The following SLC4A5 variants were observed in gnomAD, a reference collection of about 807,000 sequenced individuals.
The protein encoded by SLC4A5 is electrogenic sodium bicarbonate cotransporter 4.
Under a neutral mutation model 120.4 loss-of-function variants are expected in SLC4A5, and 96 were observed. That is an observed-to-expected ratio of 0.80 (90% CI 0.68 to 0.94). SLC4A5 has a LOEUF of 0.94. Among genes scored for constraint, SLC4A5 ranks in the 40% least tolerant of loss-of-function variants. The pLI, the probability that SLC4A5 is intolerant of heterozygous loss-of-function variation, is 0.00. For missense variants in SLC4A5, 1,259 were observed against 1,459.5 expected, an observed-to-expected ratio of 0.86 and a Z score of 2.24; for synonymous variants, 550 against 571.1, an observed-to-expected ratio of 0.96 and a Z score of 0.53.
At chr2:74,267,255 A>AT (rs1671335063) in intron 8 of SLC4A5, among the ~76,000 whole-genome samples, 1 of 152,182 alleles carries the variant, frequency 6.6e-6, no homozygotes, top group African/African-American at 2.4e-5. Flanking sequence ...CTGTTTCAAC[A>AT]TTCAGTGTGC....
chr2:74,226,963 C>T (rs752177122), exon 27 of SLC4A5: 42 of 1,613,036 alleles, frequency 2.6e-5, no homozygotes, highest in Admixed American at 1.0e-4. Context: ...TTACCATGAC[C>T]GGGAAGATGA....
At chr2:74,293,427 T>C (rs145939100) in intron 7 of SLC4A5, among the ~76,000 whole-genome samples, 2 of 152,168 alleles carry the variant, frequency 1.3e-5, no homozygotes, top group Admixed American at 6.5e-5. Flanking sequence ...CTGGCCACAA[T>C]GAATTGGAGC....
intron 23 of SLC4A5, among the ~76,000 whole-genome samples, chr2:74,232,879 G>A (rs150210413): frequency 1.1e-4 from 16 of 152,326 alleles, no homozygotes; most frequent in Non-Finnish European, 1.6e-4. Context: ...CAAGCTTGGA[G>A]AGGCCCTGGG....
chr2:74,338,195 G>A (rs575499303), intron 3 of SLC4A5, among the ~76,000 whole-genome samples: 2 of 152,296 alleles, frequency 1.3e-5, no homozygotes, highest in Admixed American at 1.3e-4. Context: ...GCATAGGAGG[G>A]AGAAATGGAG....
intron 7 of SLC4A5, among the ~76,000 whole-genome samples, chr2:74,292,842 T>G (rs1672215395): frequency 6.6e-6 from 1 of 152,162 alleles, no homozygotes; most frequent in Admixed American, 6.5e-5. Context: ...ACATTCTCTC[T>G]CTCATCGGCT....
chr2:74,264,049 T>C (rs2104046252), intron 10 of SLC4A5, 98 bp downstream of exon 10: 2 of 1,451,188 alleles, frequency 1.4e-6, no homozygotes, highest in East Asian at 2.4e-5. Flanking sequence ...TCAGAATTTC[T>C]CCAGAAACTC....
At chr2:74,263,010 C>T (rs1447595113) in intron 10 of SLC4A5, among the ~76,000 whole-genome samples, 3 of 152,158 alleles carry the variant, frequency 2.0e-5, no homozygotes, top group African/African-American at 7.2e-5. Flanking sequence ...GTATCTGTTG[C>T]TATTATGGTA....
intron 7 of SLC4A5, among the ~76,000 whole-genome samples, chr2:74,295,994 C>A (rs1365010091): frequency 6.6e-6 from 1 of 152,196 alleles, no homozygotes; most frequent in South Asian, 2.1e-4. Flanking sequence ...TAGTTAACCA[C>A]ATCGAATAAG....
At chr2:74,309,781 G>A (rs1364369032) in intron 6 of SLC4A5, among the ~76,000 whole-genome samples, 1 of 151,352 alleles carries the variant, frequency 6.6e-6, no homozygotes, top group Non-Finnish European at 1.5e-5. Context: ...TCAGGGTCCT[G>A]AGTAACTGGG....
chr2:74,282,520 A>G (rs1671845414), intron 8 of SLC4A5, among the ~76,000 whole-genome samples: 1 of 152,194 alleles, frequency 6.6e-6, no homozygotes, highest in Non-Finnish European at 1.5e-5. Flanking sequence ...AGGGAAACCT[A>G]CCACTTTGCA....
intron 7 of SLC4A5, among the ~76,000 whole-genome samples, chr2:74,293,512 T>C (rs530422957): frequency 6.2e-4 from 94 of 152,272 alleles, no homozygotes; most frequent in African/African-American, 2.2e-3. Flanking sequence ...GGGCCTTTCC[T>C]GATGGTTTCT....
At chr2:74,219,773 G>A (rs989500674) in intron 30 of SLC4A5, among the ~76,000 whole-genome samples, 7 of 151,998 alleles carry the variant, frequency 4.6e-5, no homozygotes, top group Admixed American at 6.6e-5. Flanking sequence ...TCATAATACC[G>A]GTGTATACTA....
intron 8 of SLC4A5, among the ~76,000 whole-genome samples, chr2:74,274,713 G>A (rs907295393): frequency 6.6e-6 from 1 of 152,188 alleles, no homozygotes; most frequent in African/African-American, 2.4e-5. Flanking sequence ...AGATCACAAA[G>A]GCTGATGCAT....
At chr2:74,290,275 C>T (rs961522820) in intron 7 of SLC4A5, 4 of 985,434 alleles carry the variant, frequency 4.1e-6, no homozygotes, top group African/African-American at 3.5e-5. Context: ...CGCTGGGGTC[C>T]CTGGCTGTCG....
At chr2:74,338,201 T>C (rs1422984439) in intron 3 of SLC4A5, among the ~76,000 whole-genome samples, 1 of 152,036 alleles carries the variant, frequency 6.6e-6, no homozygotes, top group African/African-American at 2.4e-5. Flanking sequence ...GAGGGAGAAA[T>C]GGAGGCAAAT....
intron 8 of SLC4A5, among the ~76,000 whole-genome samples, chr2:74,275,632 TGAG>T (rs777983593): frequency 1.6e-4 from 24 of 152,228 alleles, no homozygotes; most frequent in Non-Finnish European, 1.9e-4. Context: ...GGGCCAAGGT[TGAG>T]GAGACCTCTC....
chr2:74,240,234 G>C (rs1382986379), intron 20 of SLC4A5, among the ~76,000 whole-genome samples: 1 of 151,792 alleles, frequency 6.6e-6, no homozygotes, highest in Non-Finnish European at 1.5e-5. Context: ...GCTTTTCTCT[G>C]CTGAGCCAAC....
chr2:74,221,381 C>T (rs1694637686), intron 30 of SLC4A5, 53 bp downstream of exon 30: 3 of 1,393,968 alleles, frequency 2.2e-6, no homozygotes, highest in Admixed American at 1.7e-5. Flanking sequence ...ACCTTCCCGG[C>T]CATTTCCTAG....
chr2:74,232,554 C>A (rs1339567006), exon 24 of SLC4A5: 1 of 1,613,938 alleles, frequency 6.2e-7, no homozygotes, highest in Admixed American at 1.7e-5. Flanking sequence ...ATGGAGATGA[C>A]CGTGGCAGCC....
Sources: allele counts gnomAD v4.1 joint callset (sites outside exome capture counted in the v4.1 genomes callset), GRCh38; gene constraint gnomAD v4.1.1; transcripts MANE v1.5; gene names NCBI Gene and HGNC (gene_info 2026-07-23, HGNC 2026-07-21).